Variants in NRXN3 observed in about 807,000 individuals in gnomAD.
NRXN3 encodes neurexin III.
Under a neutral mutation model 137.6 loss-of-function variants are expected in NRXN3, and 32 were observed. The ratio of observed to expected loss-of-function variants is 0.23; its 90% CI spans 0.18 to 0.31. The LOEUF (loss-of-function observed/expected upper bound fraction) is 0.31. NRXN3 is among the 10% of genes least tolerant of loss of function. The pLI, the probability that NRXN3 is intolerant of heterozygous loss-of-function variation, is 1.00. For synonymous variants in NRXN3, 798 were observed against 784.5 expected (o/e 1.02, Z -0.29); for missense variants, 1,574 against 2,062.5 (o/e 0.76, Z 4.59).
intron 15 of NRXN3, among the ~76,000 whole-genome samples, chr14:79,006,302 C>T (rs2099552662): frequency 6.6e-6 from 1 of 150,978 alleles, no homozygotes; most frequent in African/African-American, 2.5e-5. Flanking sequence ...TTAGGAGGCT[C>T]TTGAAAATAG....
At chr14:79,399,654 A>C (rs2095132985) in intron 15 of NRXN3, among the ~76,000 whole-genome samples, 1 of 152,210 alleles carries the variant, frequency 6.6e-6, no homozygotes, top group Non-Finnish European at 1.5e-5. Flanking sequence ...CAAATACTGA[A>C]GATTTACTTT....
At chr14:78,415,326 G>A (rs2093070246) in intron 4 of NRXN3, among the ~76,000 whole-genome samples, 1 of 152,190 alleles carries the variant, frequency 6.6e-6, no homozygotes, top group Admixed American at 6.5e-5. Flanking sequence ...TTTTGTCGAG[G>A]AGAAAAGAGG....
intron 15 of NRXN3, among the ~76,000 whole-genome samples, chr14:79,426,286 C>G (rs1055520347): frequency 1.3e-5 from 2 of 152,276 alleles, no homozygotes; most frequent in East Asian, 1.9e-4. Context: ...GGAGATTCAG[C>G]TTTTTCTCCA....
chr14:79,507,595 T>G (rs1485727167), intron 16 of NRXN3, among the ~76,000 whole-genome samples: 1 of 152,090 alleles, frequency 6.6e-6, no homozygotes, highest in Non-Finnish European at 1.5e-5. Context: ...AATGGGGATT[T>G]CCAGTTGCTG....
At chr14:79,291,735 C>A (rs1439777431) in intron 15 of NRXN3, among the ~76,000 whole-genome samples, 8 of 150,594 alleles carry the variant, frequency 5.3e-5, no homozygotes, top group Non-Finnish European at 7.4e-5. Flanking sequence ...GAAAACAGTA[C>A]AATATTTCAT....
chr14:79,304,236 G>A (rs1487315950), intron 15 of NRXN3, among the ~76,000 whole-genome samples: 3 of 151,980 alleles, frequency 2.0e-5, no homozygotes, highest in Admixed American at 1.3e-4. Flanking sequence ...GGTGAGTGTC[G>A]GAGTTCCCAA....
intron 15 of NRXN3, chr14:79,279,414 C>T: frequency 3.0e-6 from 3 of 986,214 alleles, no homozygotes; most frequent in Non-Finnish European, 3.6e-6. Context: ...GGTCCGCGCA[C>T]TTCGCAGGCG....
intron 4 of NRXN3, among the ~76,000 whole-genome samples, chr14:78,370,926 G>A (rs759564238): frequency 6.6e-6 from 1 of 152,170 alleles, no homozygotes; most frequent in Non-Finnish European, 1.5e-5. Context: ...AAACTACAGA[G>A]TACCTGTGTG....
intron 15 of NRXN3, among the ~76,000 whole-genome samples, chr14:79,095,750 T>C (rs2050193499): frequency 1.3e-5 from 2 of 152,202 alleles, no homozygotes; most frequent in African/African-American, 4.8e-5. Flanking sequence ...CTGGAATTCT[T>C]GCGAAGGTTA....
At chr14:79,190,629 T>C (rs1179597934) in intron 15 of NRXN3, among the ~76,000 whole-genome samples, 3 of 152,092 alleles carry the variant, frequency 2.0e-5, no homozygotes, top group Non-Finnish European at 4.4e-5. Context: ...CGAGGTTATA[T>C]ATCAAAAGAA....
At chr14:78,750,956 A>G (rs1732979332) in intron 8 of NRXN3, among the ~76,000 whole-genome samples, 1 of 152,198 alleles carries the variant, frequency 6.6e-6, no homozygotes, top group African/African-American at 2.4e-5. Context: ...TATTGAAAAT[A>G]TATTAAACTG....
intron 15 of NRXN3, among the ~76,000 whole-genome samples, chr14:79,334,839 T>C (rs1238309700): frequency 6.6e-6 from 1 of 152,190 alleles, no homozygotes; most frequent in Admixed American, 6.5e-5. Flanking sequence ...AATGAATCAT[T>C]ACTTATTTTA....
intron 2 of NRXN3, among the ~76,000 whole-genome samples, chr14:78,259,995 G>A (rs1319792176): frequency 6.6e-6 from 1 of 152,198 alleles, no homozygotes; most frequent in African/African-American, 2.4e-5. Flanking sequence ...TGGAGCCTAT[G>A]TGGACATGCA....
At chr14:79,088,376 T>G (rs76669716) in intron 15 of NRXN3, among the ~76,000 whole-genome samples, 4,756 of 149,586 alleles carry the variant, frequency 0.032, 698 homozygotes, top group African/African-American at 0.12. Flanking sequence ...TGCCCAACTT[T>G]GACCTCCTCT....
intron 20 of NRXN3, among the ~76,000 whole-genome samples, chr14:79,837,430 C>T (rs1374710049): frequency 6.6e-6 from 1 of 152,104 alleles, no homozygotes; most frequent in Non-Finnish European, 1.5e-5. Flanking sequence ...TGTATCTTCT[C>T]TAGCAAGTTC....
intron 20 of NRXN3, among the ~76,000 whole-genome samples, chr14:79,855,464 C>A (rs920443814): frequency 3.9e-5 from 6 of 151,992 alleles, no homozygotes; most frequent in Admixed American, 3.9e-4. Context: ...TATTTTAGGT[C>A]TAAAACTTAG....
At chr14:79,800,455 A>T (rs1603533884) in intron 19 of NRXN3, among the ~76,000 whole-genome samples, 1 of 152,330 alleles carries the variant, frequency 6.6e-6, no homozygotes, top group East Asian at 1.9e-4. Context: ...GATAGTCTAG[A>T]TATCCATTTC....
chr14:79,281,497 T>G (rs760526403), intron 15 of NRXN3, among the ~76,000 whole-genome samples: 14 of 152,148 alleles, frequency 9.2e-5, no homozygotes, highest in Non-Finnish European at 1.6e-4. Flanking sequence ...CTTCTTAATT[T>G]GTTTACTATG....
At chr14:78,702,832 G>A (rs1282634931) in intron 6 of NRXN3, among the ~76,000 whole-genome samples, 6 of 152,064 alleles carry the variant, frequency 3.9e-5, no homozygotes, top group South Asian at 2.1e-4. Flanking sequence ...AATAGTGATC[G>A]CCATCACTTA....
Sources: allele counts gnomAD v4.1 joint callset (sites outside exome capture counted in the v4.1 genomes callset), GRCh38; gene constraint gnomAD v4.1.1; transcripts MANE v1.5; gene names NCBI Gene and HGNC (gene_info 2026-07-23, HGNC 2026-07-21).